Variants in MAP3K13 observed in about 807,000 individuals in gnomAD.
MAP3K13 encodes leucine zipper-bearing kinase.
A neutral mutation model predicts 104.0 loss-of-function variants in MAP3K13; 52 were observed. The observed-to-expected ratio is 0.50, with a 90% CI of 0.40 to 0.63. The LOEUF (loss-of-function observed/expected upper bound fraction) is 0.63, where lower values mean the gene tolerates loss of function less well. Among genes scored for constraint, MAP3K13 ranks in the 20% least tolerant of loss-of-function variants. MAP3K13 has a pLI of 0.00. For synonymous variants in MAP3K13, 394 were observed against 442.2 expected (o/e 0.89, Z 1.37); for missense variants, 914 against 1,218.5 (o/e 0.75, Z 3.72).
At chr3:185,422,543 G>A (rs920254211) in intron 1 of MAP3K13, among the ~76,000 whole-genome samples, 1 of 152,108 alleles carries the variant, frequency 6.6e-6, no homozygotes, top group African/African-American at 2.4e-5. Context: ...AAACAAACAT[G>A]TGTTTTTCTA....
At chr3:185,444,218 CCCGGCTA>C (rs1172217815) in intron 4 of MAP3K13, among the ~76,000 whole-genome samples, 1 of 151,944 alleles carries the variant, frequency 6.6e-6, no homozygotes, top group South Asian at 2.1e-4. Context: ...TGCCTGTAGT[CCCGGCTA>C]CTTGGGAGGC....
At chr3:185,291,643 C>T in intron 2 of MAP3K13, 1 of 1,531,786 alleles carries the variant, frequency 6.5e-7, no homozygotes, top group Non-Finnish European at 8.7e-7. Flanking sequence ...AAGACCATGG[C>T]CTATCATCAT....
At chr3:185,409,018 A>G (rs1713278655) in intron 1 of MAP3K13, among the ~76,000 whole-genome samples, 1 of 152,260 alleles carries the variant, frequency 6.6e-6, no homozygotes, top group Non-Finnish European at 1.5e-5. Context: ...AGAGTTGGAC[A>G]TAGATCAAAC....
chr3:185,480,439 G>T lies in MAP3K13; in HGVS notation c.2709G>T (p.Ser903=), dbSNP rs777826535. 1 of 1,614,168 alleles carries T rather than the reference G, an allele frequency of 6.2e-7. No homozygotes were observed. The highest frequency in any genetic ancestry group is 2.2e-5 in the East Asian group (1 of 44,890). The change falls in exon 13 of 14, where the codon TCG becomes TCT. Residue 903 remains serine (S), a synonymous_variant. Transcript: ENST00000265026. ...TTCCCATTGACATATCCTCACACTCGGATGGGCTCTCTGACAAGGAGTGTG... is the reference window on the plus strand; with the variant it reads ...TTCCCATTGACATATCCTCACACTCTGATGGGCTCTCTGACAAGGAGTGTG... The part of the protein sequence containing the change: ...PEIPIDISSH[S]DGLSDKECAV...
intron 1 of MAP3K13, among the ~76,000 whole-genome samples, chr3:185,398,128 G>A (rs1712535710): frequency 6.6e-6 from 1 of 152,062 alleles, no homozygotes; most frequent in South Asian, 2.1e-4. Flanking sequence ...CAGACTTGTG[G>A]GGGTGAGGAG....
chr3:185,385,731 G>T (rs1711648178), intron 1 of MAP3K13, among the ~76,000 whole-genome samples: 1 of 152,066 alleles, frequency 6.6e-6, no homozygotes, highest in Non-Finnish European at 1.5e-5. Context: ...GGCTGGGTGT[G>T]GTGGCTCACG....
At chr3:185,379,732 A>G (rs1724612787) in intron 1 of MAP3K13, among the ~76,000 whole-genome samples, 1 of 152,158 alleles carries the variant, frequency 6.6e-6, no homozygotes, top group Non-Finnish European at 1.5e-5. Context: ...TGAGTTATAC[A>G]TTCATTATTT....
intron 1 of MAP3K13, among the ~76,000 whole-genome samples, chr3:185,366,408 C>T (rs562951020): frequency 6.6e-6 from 1 of 152,268 alleles, no homozygotes; most frequent in East Asian, 1.9e-4. Flanking sequence ...TTTGTGTACA[C>T]ATTTTTGTGT....
intron 2 of MAP3K13, among the ~76,000 whole-genome samples, chr3:185,301,324 T>TA (rs1721101204): frequency 8.7e-6 from 1 of 114,498 alleles, no homozygotes; most frequent in Non-Finnish European, 2.2e-5. Context: ...GATTTTTTTT[T>TA]TTTTATTATT....
chr3:185,413,711 A>G (rs959960578), intron 1 of MAP3K13, among the ~76,000 whole-genome samples: 5 of 152,204 alleles, frequency 3.3e-5, no homozygotes, highest in Admixed American at 6.5e-5. Context: ...AGTCCCAGCT[A>G]CTCGGGAGGC....
chr3:185,442,244 C>A (rs1288288856), intron 3 of MAP3K13, among the ~76,000 whole-genome samples: 1 of 151,162 alleles, frequency 6.6e-6, no homozygotes, highest in Non-Finnish European at 1.5e-5. Flanking sequence ...ATAAGCATGA[C>A]TGGGTGTTCC....
intron 1 of MAP3K13, among the ~76,000 whole-genome samples, chr3:185,394,551 C>T (rs978760515): frequency 1.3e-5 from 2 of 152,062 alleles, no homozygotes; most frequent in African/African-American, 4.8e-5. Flanking sequence ...AAGGGCTTAC[C>T]CCAGATCATA....
chr3:185,468,876 C>T (rs1187296640), intron 10 of MAP3K13, among the ~76,000 whole-genome samples: 1 of 152,200 alleles, frequency 6.6e-6, no homozygotes, highest in African/African-American at 2.4e-5. Context: ...ATGGCTGCTC[C>T]CTGCCTTCTG....
chr3:185,443,786 T>C, intron 4 of MAP3K13, 150 bp downstream of exon 4: 1 of 643,690 alleles, frequency 1.6e-6, no homozygotes, highest in Non-Finnish European at 2.7e-6. Context: ...ATCTCTTGGG[T>C]TATTGTTGAC....
intron 2 of MAP3K13, among the ~76,000 whole-genome samples, chr3:185,313,727 G>A (rs1249617117): frequency 9.8e-6 from 1 of 101,948 alleles, no homozygotes; most frequent in Non-Finnish European, 2.1e-5. Flanking sequence ...AAAACATGAA[G>A]TAGTGGTGAA....
chr3:185,437,590 C>G lies in MAP3K13; in HGVS notation c.619C>G (p.His207Asp). 6.2e-7 allele frequency: 1 copy of G among 1,612,586 alleles called. No individual in the cohort carries two copies. Among genetic ancestry groups the G allele is most frequent in the Non-Finnish European group, 8.5e-7 (1 of 1,179,760 alleles). Residue 207 changes from histidine (H) to aspartate (D), a missense_variant, in exon 3 of 14, where the codon CAT becomes GAT. By Grantham distance (81) the His-to-Asp change is moderately conservative. This residue lies in a region of MAP3K13 where 175 missense variants were observed against 321.3 expected (regional missense o/e 0.54). Coordinates refer to ENST00000265026, the MANE Select transcript of MAP3K13 (RefSeq NM_004721.5). ...VREQNETDIK[H>D]LRKLKHPNII... ...AGAACAGAATGAGACGGATATCAAG[C>G]ATTTGAGGAAGTTGAAGCACCCTAA... is the stretch of plus-strand genomic sequence containing the variant.
chr3:185,309,516 A>C (rs1320917498), intron 2 of MAP3K13, among the ~76,000 whole-genome samples: 18 of 9,830 alleles, frequency 1.8e-3, no homozygotes, highest in Non-Finnish European at 7.5e-3. Flanking sequence ...GTCTCACAAA[A>C]AAAAAAAAAA....
intron 1 of MAP3K13, among the ~76,000 whole-genome samples, chr3:185,399,186 G>T (rs1449654064): frequency 3.9e-5 from 6 of 152,070 alleles, no homozygotes; most frequent in African/African-American, 1.2e-4. Context: ...GTATATTAGT[G>T]TTAGTGAGGG....
chr3:185,409,201 C>T lies in MAP3K13; in HGVS notation c.-85-19296C>T, dbSNP rs543302076. 8.5e-5 allele frequency among the ~76,000 whole-genome samples: 13 copies of T among 152,252 alleles called. No individual in the cohort carries two copies. In the South Asian group the frequency reaches 2.5e-3, roughly 29 times the overall value. On this transcript the variant is annotated intron_variant, in intron 1 of 13. Coordinates refer to ENST00000265026, the MANE Select transcript of MAP3K13 (RefSeq NM_004721.5). ...TGGCCAATATGGTGAAACCCCGTCT[C>T]TACCAAAAATACAAAAATTAGCCAG...
Sources: allele counts gnomAD v4.1 joint callset (sites outside exome capture counted in the v4.1 genomes callset), GRCh38; gene constraint gnomAD v4.1.1; regional missense constraint gnomAD v4.1.1; transcripts MANE v1.5; gene names NCBI Gene and HGNC (gene_info 2026-07-23, HGNC 2026-07-21).